The following PIN1 variants were observed in gnomAD, a reference collection of about 807,000 sequenced individuals.
The protein encoded by PIN1 is peptidylprolyl cis/trans isomerase, NIMA-interacting 1, also known as peptidyl-prolyl cis-trans isomerase NIMA-interacting 1.
In PIN1, 8 loss-of-function variants were observed where a neutral mutation model predicts 19.9. The ratio of observed to expected loss-of-function variants is 0.40; its 90% CI spans 0.24 to 0.72. The LOEUF is 0.72. Ranked by LOEUF, PIN1 falls within the 30% of genes least tolerant of loss-of-function variation. The pLI is 0.37. For synonymous variants in PIN1, 86 were observed against 90.8 expected, an observed-to-expected ratio of 0.95 and a Z score of 0.30; for missense variants, 185 against 226.5, an observed-to-expected ratio of 0.82 and a Z score of 1.18.
At chr19:9,835,437 C>CGGGCCCGCGT (rs2046092620) in intron 1 of PIN1, 35 bp downstream of exon 1, 15 of 1,405,766 alleles carry the variant, frequency 1.1e-5, no homozygotes, top group Non-Finnish European at 1.4e-5. Flanking sequence ...CGGGACTGCG[C>CGGGCCCGCGT]GGGCCCGCGT....
rs541336235 is a variant in PIN1, at chr19:9,835,443, C to G, written c.58+41C>G. The G allele has an allele frequency of 7.2e-6, 10 of 1,379,390 alleles. No individual in the cohort carries two copies. In the East Asian group the frequency reaches 2.9e-4, roughly 41 times the overall value. 85.4% of individuals were successfully genotyped at this position (1,379,390 alleles called of 1,614,324 possible). A position where few individuals can be genotyped will look rare whatever the true frequency, so the allele number is the denominator to read the frequency against. On this transcript the variant is annotated intron_variant, in intron 1 of 3. Transcript: ENST00000247970. Reference sequence around the variant, plus strand: ...GGGCTGGGGCGGGACTGCGCGGGCCCGCGTAAGCAGGGCTCGAGCTCGCCC... The same window carrying G: ...GGGCTGGGGCGGGACTGCGCGGGCCGGCGTAAGCAGGGCTCGAGCTCGCCC...
At position 9,849,489 on chromosome 19, in the gene PIN1, CAA is replaced by C; in HGVS notation, c.*292_*293del. On this transcript the variant is annotated 3_prime_UTR_variant, in exon 4 of 4. Transcript: ENST00000247970. ...GGGCAGTGTGGTGGGAGGGGTGTTC[CAA>C]AGAGAAGGCCTGGTCAGCAGAGCCG... The C allele has an allele frequency of 1.4e-6, 1 of 691,622 alleles. No homozygotes were observed. The highest frequency in any genetic ancestry group is 1.4e-5 in the South Asian group (1 of 73,140). The allele number at this position is 691,622 out of a possible 1,614,324, so 42.8% of individuals were successfully genotyped here. A position where few individuals can be genotyped will look rare whatever the true frequency, so the allele number is the denominator to read the frequency against.
chr19:9,842,703 G>A (rs2046180020), intron 2 of PIN1, among the ~76,000 whole-genome samples: 1 of 152,234 alleles, frequency 6.6e-6, no homozygotes, highest in Admixed American at 6.5e-5. Flanking sequence ...AGGATGCAGT[G>A]AGGTGGCCCC....
intron 2 of PIN1, among the ~76,000 whole-genome samples, chr19:9,842,519 G>A (rs2046177917): frequency 6.6e-6 from 1 of 152,202 alleles, no homozygotes; most frequent in African/African-American, 2.4e-5. Context: ...CAAGGCCTCT[G>A]CTCACGGGCA....
At chr19:9,840,509 C>G (rs1206067395) in intron 2 of PIN1, among the ~76,000 whole-genome samples, 2 of 152,256 alleles carry the variant, frequency 1.3e-5, no homozygotes, top group Non-Finnish European at 1.5e-5. Flanking sequence ...ATCTCTCAAC[C>G]ATGCCCAGAC....
At chr19:9,844,842 G>A (rs1228279888) in intron 2 of PIN1, among the ~76,000 whole-genome samples, 2 of 152,154 alleles carry the variant, frequency 1.3e-5, no homozygotes, top group Non-Finnish European at 1.5e-5. Flanking sequence ...CCTTCCCCAT[G>A]GCCTATTTCT....
intron 2 of PIN1, among the ~76,000 whole-genome samples, chr19:9,839,432 AAG>A (rs1356476864): frequency 6.6e-6 from 1 of 151,720 alleles, no homozygotes; most frequent in African/African-American, 2.4e-5. Flanking sequence ...AAAAAAAAAA[AAG>A]AGGTAGTGAG....
chr19:9,838,362 G>C lies in PIN1; in HGVS notation c.59-74G>C, dbSNP rs2046130766. On this transcript the variant is annotated intron_variant, in intron 1 of 3. Transcript: ENST00000247970. The surrounding 1 kb of genome is among the most constrained non-coding windows in gnomAD (Gnocchi z 5.8). Reference sequence around the variant, plus strand: ...CCCCTGCAAGCCAGGCCCTCACCCTGGCTTCTGGCTGTGGGCCCAGGGGTG... The same window carrying C: ...CCCCTGCAAGCCAGGCCCTCACCCTCGCTTCTGGCTGTGGGCCCAGGGGTG... The C allele has an allele frequency of 8.2e-7, 1 of 1,226,520 alleles. No individual in the cohort carries two copies. The allele number at this position is 1,226,520 out of a possible 1,614,324, so 76.0% of individuals were successfully genotyped here.
Position 9,849,188 on chromosome 19 carries a change from C to A in PIN1, c.481C>A (p.Arg161Ser). 6.2e-7 allele frequency: 1 copy of A among 1,608,480 alleles called. No individual in the cohort carries two copies. Among genetic ancestry groups the A allele is most frequent in the South Asian group, 1.1e-5 (1 of 90,622 alleles). ...GGATTCCGGCATCCACATCATCCTC[C>A]GCACTGAGTGAGGGTGGGGAGCCCA... ...FTDSGIHIILRTE is the reference protein window; with the variant it reads ...FTDSGIHIILSTE The change falls in exon 4 of 4, where the codon CGC (arginine) becomes AGC (serine). Residue 161 changes from arginine to serine, a missense_variant. Coordinates refer to ENST00000247970, the MANE Select transcript of PIN1 (RefSeq NM_006221.4).
chr19:9,841,539 G>T (rs1200489489), intron 2 of PIN1, among the ~76,000 whole-genome samples: 6 of 152,198 alleles, frequency 3.9e-5, no homozygotes, highest in African/African-American at 1.4e-4. Flanking sequence ...GGTTGAGGAG[G>T]GTCCTTGTCA....
At chr19:9,839,116 G>C (rs118027086) in intron 2 of PIN1, among the ~76,000 whole-genome samples, 3,789 of 152,232 alleles carry the variant, frequency 0.025, 78 homozygotes, top group Middle Eastern at 0.044. Flanking sequence ...AACATAGGTG[G>C]ATCCAGAGAG....
intron 1 of PIN1, chr19:9,836,743 T>C: frequency 1.1e-6 from 1 of 916,072 alleles, no homozygotes; most frequent in Non-Finnish European, 1.5e-6. Flanking sequence ...CCATGCACGG[T>C]GTAGTAGCTA....
Position 9,835,468 on chromosome 19 carries a change from C to T in PIN1, c.58+66C>T. Reference sequence around the variant, plus strand: ...CGCGTAAGCAGGGCTCGAGCTCGCCCCTTGGGCGCGGCGGCAGCGCTGCCT... The same window carrying T: ...CGCGTAAGCAGGGCTCGAGCTCGCCTCTTGGGCGCGGCGGCAGCGCTGCCT... On this transcript the variant is annotated intron_variant, in intron 1 of 3. Coordinates refer to ENST00000247970, the MANE Select transcript of PIN1 (RefSeq NM_006221.4). The T allele has an allele frequency of 7.8e-6, 9 of 1,158,786 alleles. 1 individual carries two copies. Among genetic ancestry groups the T allele is most frequent in the Admixed American group, 7.9e-5 (2 of 25,444 alleles). 71.8% of individuals were successfully genotyped at this position (1,158,786 alleles called of 1,614,324 possible).
At chr19:9,847,631 C>G (rs2046232041) in intron 2 of PIN1, among the ~76,000 whole-genome samples, 1 of 152,220 alleles carries the variant, frequency 6.6e-6, no homozygotes, top group South Asian at 2.1e-4. Flanking sequence ...GGGTCAGCCT[C>G]TCCCTGCCTG....
rs748581456 is a variant in PIN1, at chr19:9,838,574, A to G, written c.197A>G (p.Gln66Arg). The G allele has an allele frequency of 6.4e-7, 1 of 1,570,300 alleles. No homozygotes were observed. Reference sequence around the variant, plus strand: ...TCGCACCTGCTGGTGAAGCACAGCCAGTCACGGCGGCCCTCGTCCTGGCGG... The same window carrying G: ...TCGCACCTGCTGGTGAAGCACAGCCGGTCACGGCGGCCCTCGTCCTGGCGG... ...RCSHLLVKHS[Q>R]SRRPSSWRQE... is the part of the protein sequence containing the mutation. Residue 66 changes from glutamine to arginine, a missense_variant, in exon 2 of 4, where the codon CAG (glutamine) becomes CGG (arginine). Gln to Arg is a conservative substitution (Grantham distance 43, BLOSUM62 1). Coordinates refer to ENST00000247970, the MANE Select transcript of PIN1 (RefSeq NM_006221.4). The surrounding 1 kb of genome is among the most constrained non-coding windows in gnomAD (Gnocchi z 5.8).
intron 2 of PIN1, among the ~76,000 whole-genome samples, chr19:9,843,209 C>T (rs1337334643): frequency 6.6e-6 from 1 of 152,266 alleles, no homozygotes; most frequent in Non-Finnish European, 1.5e-5. Flanking sequence ...TACTCACATA[C>T]CCATCCCAGC....
At chr19:9,844,939 G>A (rs2046204493) in intron 2 of PIN1, among the ~76,000 whole-genome samples, 1 of 152,206 alleles carries the variant, frequency 6.6e-6, no homozygotes, top group Admixed American at 6.5e-5. Flanking sequence ...CAATGAAGAA[G>A]GCCAACCCAG....
At chr19:9,841,424 C>T (rs1041370749) in intron 2 of PIN1, among the ~76,000 whole-genome samples, 2 of 152,128 alleles carry the variant, frequency 1.3e-5, no homozygotes, top group Non-Finnish European at 2.9e-5. Flanking sequence ...TGGCACAGGA[C>T]GGGGCAGAAG....
In PIN1 at chr19:9,846,266, C is replaced by G. The variant is rs182761268; in HGVS notation, c.272-1764C>G. 2.0e-3 allele frequency among the ~76,000 whole-genome samples: 306 copies of G among 152,328 alleles called. 2 individuals carry two copies. The highest frequency in any genetic ancestry group is 7.0e-3 in the African/African-American group (291 of 41,572). ...TCGATGTCCCTGTCAGACCAGGACACGTGGGCCGGCAGGGCCAAGGATAGG... is the reference window on the plus strand; with the variant it reads ...TCGATGTCCCTGTCAGACCAGGACAGGTGGGCCGGCAGGGCCAAGGATAGG... On this transcript the variant is annotated intron_variant, in intron 2 of 3. Coordinates refer to ENST00000247970, the MANE Select transcript of PIN1 (RefSeq NM_006221.4). The surrounding 1 kb of genome is among the most constrained non-coding windows in gnomAD (Gnocchi z 5.9).
Sources: allele counts gnomAD v4.1 joint callset (sites outside exome capture counted in the v4.1 genomes callset), GRCh38; gene constraint gnomAD v4.1.1; non-coding constraint Gnocchi (gnomAD v3.1); transcripts MANE v1.5; gene names NCBI Gene and HGNC (gene_info 2026-07-23, HGNC 2026-07-21).